Variants in DIS3L2 observed in about 807,000 individuals in gnomAD.
The protein encoded by DIS3L2 is DIS3-like exonuclease 2.
In DIS3L2, 34 loss-of-function variants were observed where a neutral mutation model predicts 97.5. The observed-to-expected ratio is 0.35, with a 90% CI of 0.27 to 0.46. The LOEUF (loss-of-function observed/expected upper bound fraction) is 0.46. Ranked by LOEUF, DIS3L2 falls within the 20% of genes least tolerant of loss-of-function variation. The pLI, the probability that DIS3L2 is intolerant of heterozygous loss-of-function variation, is 1.00. For synonymous variants in DIS3L2, 435 were observed against 445.2 expected (o/e 0.98, Z 0.29); for missense variants, 1,038 against 1,146.0 (o/e 0.91, Z 1.36).
At chr2:232,008,545 G>A (rs760813545) in intron 1 of DIS3L2, among the ~76,000 whole-genome samples, 7 of 152,022 alleles carry the variant, frequency 4.6e-5, no homozygotes, top group Non-Finnish European at 1.0e-4. Context: ...CACTCCACAC[G>A]CCAACAAAAT....
chr2:232,200,932 G>T (rs961695397), intron 9 of DIS3L2, among the ~76,000 whole-genome samples: 1 of 151,910 alleles, frequency 6.6e-6, no homozygotes, highest in Non-Finnish European at 1.5e-5. Flanking sequence ...TACAGGTGCC[G>T]ACCACCACGC....
intron 6 of DIS3L2, among the ~76,000 whole-genome samples, chr2:232,089,338 C>T (rs3116155): frequency 0.8 from 121,092 of 152,212 alleles, 48,832 homozygotes; most frequent in African/African-American, 0.91. Flanking sequence ...TTTGGGGACA[C>T]GTTTAGGTAA....
At chr2:232,166,338 A>G (rs1341594911) in intron 9 of DIS3L2, among the ~76,000 whole-genome samples, 4 of 151,998 alleles carry the variant, frequency 2.6e-5, no homozygotes, top group East Asian at 1.9e-4. Flanking sequence ...ACACACACAC[A>G]CGCGTGCGCG....
chr2:232,276,852 A>T lies in DIS3L2; in HGVS notation c.1659+13412A>T, dbSNP rs143095538. ...ATTAGGTTAGATGAGATGTACCCGT[A>T]AAACACTTGGAACAGTGCCTGACAC... On this transcript the variant is annotated intron_variant, in intron 13 of 20. Transcript: ENST00000325385. The surrounding 1 kb of genome is among the most constrained non-coding windows in gnomAD (Gnocchi z 4.4). 2.0e-5 allele frequency among the ~76,000 whole-genome samples: 3 copies of T among 152,356 alleles called. No homozygotes were observed. Among genetic ancestry groups the T allele is most frequent in the East Asian group, 1.9e-4 (1 of 5,180 alleles).
intron 5 of DIS3L2, among the ~76,000 whole-genome samples, chr2:232,086,609 G>A (rs367982501): frequency 2.4e-5 from 1 of 41,522 alleles, no homozygotes; most frequent in Non-Finnish European, 4.3e-5. Context: ...ATATGTGTGT[G>A]TGTGTATATA....
At chr2:232,207,993 C>T (rs1692076759) in intron 9 of DIS3L2, among the ~76,000 whole-genome samples, 1 of 151,932 alleles carries the variant, frequency 6.6e-6, no homozygotes, top group Admixed American at 6.5e-5. Flanking sequence ...AAAATTAATC[C>T]ATAAATCTAG....
At chr2:232,126,976 A>C in intron 6 of DIS3L2, among the ~76,000 whole-genome samples, 1 of 152,186 alleles carries the variant, frequency 6.6e-6, no homozygotes, top group East Asian at 1.9e-4. Context: ...ATATCTATAT[A>C]TCCTTCAAGG....
chr2:232,087,055 A>G (rs956754368), intron 5 of DIS3L2, among the ~76,000 whole-genome samples: 5 of 151,694 alleles, frequency 3.3e-5, no homozygotes, highest in African/African-American at 1.2e-4. Flanking sequence ...TTTCCACTTC[A>G]TCTTGTATTC....
At chr2:232,017,607 A>C (rs2106224486) in intron 3 of DIS3L2, among the ~76,000 whole-genome samples, 2 of 152,050 alleles carry the variant, frequency 1.3e-5, no homozygotes, top group Middle Eastern at 3.4e-3. Context: ...GTGCCTTTCC[A>C]TTCTTATCCT....
At chr2:232,224,912 A>G (rs1056094712) in intron 10 of DIS3L2, among the ~76,000 whole-genome samples, 16 of 152,134 alleles carry the variant, frequency 1.1e-4, no homozygotes, top group African/African-American at 3.9e-4. Context: ...TGTAATACAT[A>G]TATCCAGCAT....
intron 10 of DIS3L2, among the ~76,000 whole-genome samples, chr2:232,227,771 G>A (rs1222122833): frequency 3.9e-5 from 6 of 152,298 alleles, no homozygotes; most frequent in Admixed American, 2.0e-4. Context: ...AGAATTCTAG[G>A]TAAATATGAA....
intron 13 of DIS3L2, among the ~76,000 whole-genome samples, chr2:232,264,668 T>G (rs1045021207): frequency 1.3e-5 from 2 of 152,250 alleles, no homozygotes; most frequent in African/African-American, 4.8e-5. Flanking sequence ...CAGACTTCTT[T>G]CCCTGAGCCT....
In DIS3L2 at chr2:232,226,368, ACTGT is replaced by A. The variant is rs141467960; in HGVS notation, c.1205-12161_1205-12158del. Among the ~76,000 whole-genome samples the A allele has an allele frequency of 2.8e-3, 430 of 152,324 alleles. 1 individual carries two copies. The highest frequency in any genetic ancestry group is 4.7e-3 in the Non-Finnish European group (317 of 68,016). ...CTAATCCTGGCTTTGCCATTTACTG[ACTGT>A]CTGACATTGGGCAAATCATTTAACC... is the stretch of plus-strand genomic sequence containing the variant. On this transcript the variant is annotated intron_variant, in intron 10 of 20. Coordinates refer to ENST00000325385, the MANE Select transcript of DIS3L2 (RefSeq NM_152383.5).
At chr2:232,132,053 A>C (rs1698234552) in intron 7 of DIS3L2, among the ~76,000 whole-genome samples, 1 of 151,846 alleles carries the variant, frequency 6.6e-6, no homozygotes, top group Non-Finnish European at 1.5e-5. Flanking sequence ...ATTTGGTAAC[A>C]CTGGGCCAAA....
chr2:232,145,493 A>G (rs975198678), intron 8 of DIS3L2, among the ~76,000 whole-genome samples: 1 of 152,114 alleles, frequency 6.6e-6, no homozygotes, highest in African/African-American at 2.4e-5. Flanking sequence ...AATCTGTATG[A>G]CTTTTATTTC....
At position 231,964,367 on chromosome 2, in the gene DIS3L2, T is replaced by C. The variant is rs577504841; in HGVS notation, c.-94+2602T>C. On this transcript the variant is annotated intron_variant, in intron 1 of 20. Coordinates refer to ENST00000325385, the MANE Select transcript of DIS3L2 (RefSeq NM_152383.5). The stretch of plus-strand genomic sequence containing the variant: ...CTTACAAGTTTTCTGCAGAAGGAAA[T>C]CTTCCCGGGACTGACTAGGTTTGAG... 2.0e-5 allele frequency among the ~76,000 whole-genome samples: 3 copies of C among 152,272 alleles called. No homozygotes were observed. In the East Asian group the frequency reaches 5.8e-4, roughly 29 times the overall value.
intron 6 of DIS3L2, among the ~76,000 whole-genome samples, chr2:232,125,603 A>G (rs548923759): frequency 7.9e-5 from 12 of 152,338 alleles, no homozygotes; most frequent in South Asian, 2.1e-4. Flanking sequence ...ATAGGCGAGC[A>G]TGCTGTGAAA....
intron 8 of DIS3L2, among the ~76,000 whole-genome samples, chr2:232,146,724 G>A (rs1009608641): frequency 2.0e-5 from 3 of 152,328 alleles, no homozygotes; most frequent in Non-Finnish European, 2.9e-5. Context: ...AAGGTGAGAT[G>A]TGTTTCCTGT....
At chr2:231,980,951 T>C (rs917136845) in intron 1 of DIS3L2, among the ~76,000 whole-genome samples, 4 of 152,172 alleles carry the variant, frequency 2.6e-5, no homozygotes, top group African/African-American at 9.7e-5. Flanking sequence ...TAAATTTTTT[T>C]AAATTTTAAT....
Sources: allele counts gnomAD v4.1 joint callset (sites outside exome capture counted in the v4.1 genomes callset), GRCh38; gene constraint gnomAD v4.1.1; non-coding constraint Gnocchi (gnomAD v3.1); transcripts MANE v1.5; gene names NCBI Gene and HGNC (gene_info 2026-07-23, HGNC 2026-07-21).